C9: variants seen among roughly 807,000 people sequenced by gnomAD.
C9 encodes complement C9.
A neutral mutation model predicts 65.4 loss-of-function variants in C9; 63 were observed. That is an observed-to-expected ratio of 0.96 (90% CI 0.79 to 1.19). C9 has a LOEUF of 1.19. Among genes scored for constraint, C9 ranks in the 50% most tolerant of loss-of-function variants. The pLI, the probability that C9 is intolerant of heterozygous loss-of-function variation, is 0.00. For synonymous variants in C9, 229 were observed against 227.9 expected (o/e 1.00, Z -0.04); for missense variants, 744 against 670.1 (o/e 1.11, Z -1.22).
At chr5:39,285,816 G>A (rs1009165739) in intron 10 of C9, among the ~76,000 whole-genome samples, 8 of 151,924 alleles carry the variant, frequency 5.3e-5, no homozygotes, top group African/African-American at 1.9e-4. Flanking sequence ...AGGAGGTTCG[G>A]TTAGTTGAGG....
In C9 at chr5:39,284,519, T is replaced by C. The variant is rs930055305; in HGVS notation, c.*680A>G. 2 of 152,268 alleles carry C rather than the reference T, an allele frequency of 1.3e-5. No homozygotes were observed. Among genetic ancestry groups the C allele is most frequent in the African/African-American group, 4.8e-5 (2 of 41,474 alleles). The allele number at this position is 152,268 out of a possible 1,614,324, so 9.4% of individuals were successfully genotyped here. A position where few individuals can be genotyped will look rare whatever the true frequency, so the allele number is the denominator to read the frequency against. On this transcript the variant is annotated 3_prime_UTR_variant, in exon 11 of 11. Coordinates refer to ENST00000263408, the MANE Select transcript of C9 (RefSeq NM_001737.5). ...AACTAATAGTTTATGTTCATTCTAT[T>C]CTGCTACTGAACACTATCTATATTA...
chr5:39,292,936 C>T (rs1753123150), intron 9 of C9, among the ~76,000 whole-genome samples: 1 of 150,236 alleles, frequency 6.7e-6, no homozygotes, highest in African/African-American at 2.4e-5. Context: ...AATCATATAA[C>T]ATACTGAATA....
chr5:39,359,102 G>GTGTGTGTATATATATATATATATATATA lies in C9; in HGVS notation c.77+5285_77+5286insTATATATATATATATATATATACACACA, dbSNP rs1407613505. On this transcript the variant is annotated intron_variant, in intron 1 of 10. Transcript: ENST00000263408. ...TGTATATATATATGTGTGTGTGTGT[G>GTGTGTGTATATATATATATATATATATA]TATATATATATATATATATATATGT... 1.1e-3 allele frequency among the ~76,000 whole-genome samples: 114 copies of GTGTGTGTATATATATATATATATATATA among 103,600 alleles called. 1 individual carries two copies. The highest frequency in any genetic ancestry group is 2.3e-3 in the African/African-American group (61 of 26,508). 68.0% of individuals were successfully genotyped at this position (103,600 alleles called of 152,430 possible).
intron 1 of C9, among the ~76,000 whole-genome samples, chr5:39,352,197 G>A (rs1023961324): frequency 6.6e-6 from 1 of 152,124 alleles, no homozygotes; most frequent in African/African-American, 2.4e-5. Flanking sequence ...AGAACAGCAA[G>A]GGGGAAGTCC....
rs984760725 is a variant in C9 at position 39,341,695 on chromosome 5, A to G, written c.189T>C (p.Arg63=). The G allele has an allele frequency of 4.3e-6, 7 of 1,614,044 alleles. No individual in the cohort carries two copies. The highest frequency in any genetic ancestry group is 5.9e-6 in the Non-Finnish European group (7 of 1,179,910). Residue 63 remains arginine, a synonymous_variant, in exon 3 of 11, where the codon CGT becomes CGC. Transcript: ENST00000263408. The stretch of plus-strand genomic sequence containing the variant: ...GTCCAAAGACCTCAATGCTTCTTGA[A>G]CGAAACTGCACAATATCAGTTGGAA... ...QCDPCLRQMF[R]SRSIEVFGQF...
At chr5:39,344,092 T>C (rs1754142644) in intron 1 of C9, among the ~76,000 whole-genome samples, 1 of 152,068 alleles carries the variant, frequency 6.6e-6, no homozygotes, top group African/African-American at 2.4e-5. Context: ...GCAGAAAAGC[T>C]GAAAATTCTA....
At chr5:39,330,917 A>T (rs1753827516) in intron 5 of C9, among the ~76,000 whole-genome samples, 1 of 152,230 alleles carries the variant, frequency 6.6e-6, no homozygotes, top group South Asian at 2.1e-4. Flanking sequence ...AACTGGTGGG[A>T]CTGATAACAA....
intron 1 of C9, among the ~76,000 whole-genome samples, chr5:39,360,835 C>T (rs1754504257): frequency 6.6e-6 from 1 of 152,094 alleles, no homozygotes; most frequent in Admixed American, 6.5e-5. Flanking sequence ...AGTACTCTTA[C>T]TCTGCTGGTG....
intron 4 of C9, among the ~76,000 whole-genome samples, chr5:39,332,804 T>C (rs115468769): frequency 0.03 from 4,566 of 152,356 alleles, 212 homozygotes; most frequent in African/African-American, 0.1. Context: ...TAGTTTACTG[T>C]AAACCCATGG....
rs769586196 is a variant in C9, at chr5:39,341,301, C to G, written c.329-8G>C. The G allele has an allele frequency of 8.1e-6, 13 of 1,613,848 alleles. No individual in the cohort carries two copies. The highest frequency in any genetic ancestry group is 1.0e-5 in the Non-Finnish European group (12 of 1,179,874). ...GCATCTTTATGCATCTGCCTGCAAT[C>G]AAAATCAGGAGAGACTCAATGTATC... On this transcript the variant is annotated splice_region_variant and splice_polypyrimidine_tract_variant and intron_variant, in intron 3 of 10. Transcript: ENST00000263408.
At position 39,315,994 on chromosome 5, in the gene C9, G is replaced by C. The variant is rs141625765; in HGVS notation, c.651C>G (p.Tyr217Ter). The C allele has an allele frequency of 2.5e-6, 4 of 1,611,848 alleles. No homozygotes were observed. Among genetic ancestry groups the C allele is most frequent in the Non-Finnish European group, 3.4e-6 (4 of 1,178,688 alleles). The change falls in exon 6 of 11, where the codon TAC (tyrosine) becomes TAG (stop). Residue 217 changes from tyrosine (Y) to a stop codon, truncating the protein, a stop_gained. Coordinates refer to ENST00000263408, the MANE Select transcript of C9 (RefSeq NM_001737.5). LOFTEE classifies it high-confidence loss of function. The stretch of plus-strand genomic sequence containing the variant: ...TTTTAAATGCTTCAATTTGTTCTTC[G>C]TAATGTTCGGTTCTGAAATTTTTCT... ...KGEKNFRTEH[Y>*]EEQIEAFKSI...
At chr5:39,359,088 ATG>A (rs72196067) in intron 1 of C9, among the ~76,000 whole-genome samples, 29,553 of 109,120 alleles carry the variant, frequency 0.27, 4,120 homozygotes, top group Admixed American at 0.34. Context: ...GTATATATAT[ATG>A]TGTGTGTGTG....
At chr5:39,351,222 G>A (rs1754316564) in intron 1 of C9, among the ~76,000 whole-genome samples, 1 of 152,164 alleles carries the variant, frequency 6.6e-6, no homozygotes, top group Non-Finnish European at 1.5e-5. Context: ...CAGAGCAGTG[G>A]GGCCCTGGGC....
chr5:39,307,715 C>A (rs753825880), intron 8 of C9, among the ~76,000 whole-genome samples: 3 of 152,046 alleles, frequency 2.0e-5, no homozygotes, highest in Non-Finnish European at 4.4e-5. Flanking sequence ...TGTAAATCTG[C>A]TAAAGATTAA....
chr5:39,308,815 G>A (rs1286300129), intron 7 of C9, among the ~76,000 whole-genome samples: 1 of 152,152 alleles, frequency 6.6e-6, no homozygotes, highest in African/African-American at 2.4e-5. Flanking sequence ...TTGCAGAGCA[G>A]TTGAATAACC....
At chr5:39,341,750 G>T (rs751327482) in intron 2 of C9, 50 bp from the exon 3 acceptor site, 5 of 1,574,448 alleles carry the variant, frequency 3.2e-6, no homozygotes, top group African/African-American at 1.3e-5. Context: ...CAAAAAAAGG[G>T]TATGGTCTAA....
At chr5:39,324,775 C>A (rs774983241) in intron 5 of C9, among the ~76,000 whole-genome samples, 3 of 151,982 alleles carry the variant, frequency 2.0e-5, no homozygotes, top group African/African-American at 7.3e-5. Flanking sequence ...AAGTCTTGGA[C>A]GAGAGACCAA....
chr5:39,327,894 G>A (rs1425187211), intron 5 of C9, among the ~76,000 whole-genome samples: 1 of 152,142 alleles, frequency 6.6e-6, no homozygotes, highest in East Asian at 1.9e-4. Context: ...GAAGAGGGTT[G>A]AAAAATGCAT....
chr5:39,359,913 C>A (rs942525027), intron 1 of C9, among the ~76,000 whole-genome samples: 8 of 152,182 alleles, frequency 5.3e-5, no homozygotes, highest in Non-Finnish European at 7.3e-5. Flanking sequence ...TAACTGTTTG[C>A]TGTATTAAAT....
Sources: gnomAD v4.1 joint callset for allele counts (sites outside exome capture counted in the v4.1 genomes callset) on GRCh38, gnomAD v4.1.1 for gene constraint, MANE v1.5 for transcripts, NCBI Gene and HGNC (gene_info 2026-07-23, HGNC 2026-07-21) for gene names.